Variants in DIAPH2 observed in about 807,000 individuals in gnomAD.
DIAPH2 encodes the protein protein diaphanous homolog 2.
DIAPH2 carries 35 observed loss-of-function variants against 92.7 expected under a neutral mutation model. The ratio of observed to expected loss-of-function variants is 0.38; its 90% CI spans 0.29 to 0.50. DIAPH2 has a LOEUF of 0.50. Ranked by LOEUF, DIAPH2 falls within the 20% of genes least tolerant of loss-of-function variation. The pLI, the probability that DIAPH2 is intolerant of heterozygous loss-of-function variation, is 0.94. For synonymous variants in DIAPH2, 301 were observed against 280.4 expected (o/e 1.07, Z -0.73); for missense variants, 701 against 819.5 (o/e 0.86, Z 1.77).
intron 5 of DIAPH2, among the ~76,000 whole-genome samples, chrX:96,902,436 G>A (rs937755133): frequency 4.5e-5 from 5 of 111,420 alleles, no homozygotes; most frequent in Non-Finnish European, 9.4e-5. Flanking sequence ...AGGTCTAGTA[G>A]TAATTGTTTT....
intron 26 of DIAPH2, among the ~76,000 whole-genome samples, chrX:97,491,474 G>A (rs187311633): frequency 9.0e-6 from 1 of 111,046 alleles, no homozygotes; most frequent in Non-Finnish European, 1.9e-5. Context: ...GCAGTGGTGC[G>A]ATCTCGGCTC....
At chrX:96,854,617 A>ATATATATATATATATATATG (rs2065027262) in intron 4 of DIAPH2, among the ~76,000 whole-genome samples, 1 of 69,350 alleles carries the variant, frequency 1.4e-5, no homozygotes, top group Non-Finnish European at 2.7e-5. Context: ...ATATATATAT[A>ATATATATATATATATATATG]TATATATATA....
At chrX:97,376,998 G>A (rs975244358) in intron 24 of DIAPH2, among the ~76,000 whole-genome samples, 7 of 111,895 alleles carry the variant, frequency 6.3e-5, no homozygotes, top group Non-Finnish European at 1.1e-4. Flanking sequence ...CACTTAGCAT[G>A]AATGCACCTT....
At chrX:97,224,669 G>A (rs537579004) in intron 22 of DIAPH2, among the ~76,000 whole-genome samples, 1 of 111,704 alleles carries the variant, frequency 9.0e-6, no homozygotes, top group East Asian at 2.8e-4. Flanking sequence ...TTTATTATTA[G>A]TACCATCTTA....
chrX:96,838,523 C>T (rs1243658777), intron 4 of DIAPH2, among the ~76,000 whole-genome samples: 1 of 111,990 alleles, frequency 8.9e-6, no homozygotes, highest in Non-Finnish European at 1.9e-5. Flanking sequence ...CAAAATTACA[C>T]CATTTATGTT....
chrX:96,881,642 C>T lies in DIAPH2; in HGVS notation c.511C>T (p.Arg171Ter). The T allele has an allele frequency of 8.3e-7, 1 of 1,206,625 alleles. No homozygotes were observed. The highest frequency in any genetic ancestry group is 1.1e-6 in the Non-Finnish European group (1 of 891,936). The change falls in exon 5 of 27, where the codon CGA becomes TGA. Residue 171 changes from arginine to a stop codon, truncating the protein, a stop_gained. Transcript: ENST00000324765. LOFTEE classifies it high-confidence loss of function. ...TTCACAAGAATATGTTCATGAATTACGATCGGGTATATCAGATGAGAAACT... is the reference window on the plus strand; with the variant it reads ...TTCACAAGAATATGTTCATGAATTATGATCGGGTATATCAGATGAGAAACT... ...LSSQEYVHEL[R>*]SGISDEKLLN... is the part of the protein sequence containing the mutation.
chrX:96,815,063 C>T (rs773896689), intron 4 of DIAPH2, among the ~76,000 whole-genome samples: 8 of 112,442 alleles, frequency 7.1e-5, no homozygotes, highest in Middle Eastern at 4.6e-3. Context: ...CTGCTCTCTT[C>T]AGAGCTGTCA....
chrX:96,698,413 G>T (rs2063836544), intron 1 of DIAPH2, among the ~76,000 whole-genome samples: 1 of 111,709 alleles, frequency 9.0e-6, no homozygotes, highest in Non-Finnish European at 1.9e-5. Flanking sequence ...CTAAAGATTG[G>T]CTGCTATAAA....
At chrX:96,925,105 C>T (rs2065571619) in intron 9 of DIAPH2, among the ~76,000 whole-genome samples, 2 of 111,064 alleles carry the variant, frequency 1.8e-5, no homozygotes, top group African/African-American at 6.6e-5. Context: ...CATCTATCCT[C>T]ACAGCTTCAA....
intron 17 of DIAPH2, among the ~76,000 whole-genome samples, chrX:97,012,593 C>T (rs770554699): frequency 1.2e-4 from 13 of 112,159 alleles, no homozygotes; most frequent in Non-Finnish European, 1.9e-4. Flanking sequence ...GTACATTTCT[C>T]ACTATTCTTC....
At position 97,300,950 on chromosome X, in the gene DIAPH2, AAAAAAAAAAAAAAAAG is replaced by A. The variant is rs1400493555; in HGVS notation, c.2845-47163_2845-47148del. ...CCGTCTTAAAAAAAAAAAAAAAAAA[AAAAAAAAAAAAAAAAG>A]AAGAAGAAGAATGTCTCCATAGTTA... is the stretch of plus-strand genomic sequence containing the variant. On this transcript the variant is annotated intron_variant, in intron 23 of 26. Transcript: ENST00000324765. Among the ~76,000 whole-genome samples, 57 of 69,619 alleles carry A rather than the reference AAAAAAAAAAAAAAAAG, an allele frequency of 8.2e-4. 2 individuals carry two copies. The highest frequency in any genetic ancestry group is 1.7e-3 in the East Asian group (4 of 2,317). 60.5% of individuals were successfully genotyped at this position (69,619 alleles called of 115,157 possible).
chrX:96,792,583 A>AT (rs1318032630), intron 4 of DIAPH2, among the ~76,000 whole-genome samples: 9 of 112,175 alleles, frequency 8.0e-5, no homozygotes, highest in African/African-American at 2.3e-4. Context: ...AGAGGGTTTT[A>AT]TTTTTTATTT....
At chrX:96,710,503 T>C (rs1275628927) in intron 1 of DIAPH2, among the ~76,000 whole-genome samples, 2 of 111,760 alleles carry the variant, frequency 1.8e-5, no homozygotes, top group Non-Finnish European at 3.8e-5. Flanking sequence ...ACATTCTTTC[T>C]GGTGATTCTA....
intron 4 of DIAPH2, among the ~76,000 whole-genome samples, chrX:96,844,824 C>G (rs1352658768): frequency 8.9e-6 from 1 of 111,866 alleles, no homozygotes; most frequent in African/African-American, 3.2e-5. Flanking sequence ...TCTGAACCCC[C>G]CTATTCATCG....
chrX:97,326,126 A>G (rs1189561212), intron 23 of DIAPH2, among the ~76,000 whole-genome samples: 5 of 112,449 alleles, frequency 4.4e-5, no homozygotes, highest in Non-Finnish European at 7.5e-5. Context: ...TCTTTTTAAA[A>G]TATGGTCAAA....
intron 26 of DIAPH2, among the ~76,000 whole-genome samples, chrX:97,504,385 C>A: frequency 1.8e-5 from 2 of 112,236 alleles, no homozygotes; most frequent in Non-Finnish European, 3.8e-5. Context: ...TGCTTGGCTG[C>A]CCTGCCCAAT....
At chrX:97,540,529 G>A (rs1373342217) in intron 26 of DIAPH2, among the ~76,000 whole-genome samples, 1 of 112,367 alleles carries the variant, frequency 8.9e-6, no homozygotes, top group Non-Finnish European at 1.9e-5. Context: ...GCAACTTGCT[G>A]AGATTAAGTG....
At chrX:97,214,266 A>G in intron 22 of DIAPH2, among the ~76,000 whole-genome samples, 1 of 111,656 alleles carries the variant, frequency 9.0e-6, no homozygotes, top group South Asian at 3.8e-4. Flanking sequence ...TAAGAACAAA[A>G]ACTATTTGTT....
chrX:96,755,744 T>G (rs1191758673), intron 3 of DIAPH2, among the ~76,000 whole-genome samples: 1 of 111,713 alleles, frequency 9.0e-6, no homozygotes, highest in African/African-American at 3.3e-5. Flanking sequence ...TGCTCAGAAT[T>G]TCTGTAAGAG....
Sources: allele counts gnomAD v4.1 joint callset (sites outside exome capture counted in the v4.1 genomes callset), GRCh38; gene constraint gnomAD v4.1.1; transcripts MANE v1.5; gene names NCBI Gene and HGNC (gene_info 2026-07-23, HGNC 2026-07-21).